The following MBP variants were observed in gnomAD, a reference collection of about 807,000 sequenced individuals.
The protein encoded by MBP is Golli-MBP.
MBP carries 16 observed loss-of-function variants against 35.8 expected under a neutral mutation model. The observed-to-expected ratio is 0.45, with a 90% CI of 0.30 to 0.68. The LOEUF is 0.68. Among genes scored for constraint, MBP ranks in the 30% least tolerant of loss-of-function variants. The pLI is 0.08. For synonymous variants in MBP, 143 were observed against 159.6 expected (o/e 0.90, Z 0.78); for missense variants, 380 against 404.7 (o/e 0.94, Z 0.52).
intron 4 of MBP, among the ~76,000 whole-genome samples, chr18:77,001,058 TA>T (rs1318813323): frequency 1.3e-5 from 2 of 152,358 alleles, no homozygotes; most frequent in South Asian, 2.1e-4. Context: ...TCAACGATCA[TA>T]AGGTCAATAC....
intron 4 of MBP, chr18:77,014,998 GC>G: frequency 5.1e-6 from 5 of 984,762 alleles, no homozygotes; most frequent in Non-Finnish European, 6.0e-6. Context: ...GCCCTGTTTT[GC>G]AAAGAGATGG....
At chr18:77,055,865 C>T (rs1973698697) in intron 3 of MBP, among the ~76,000 whole-genome samples, 1 of 152,168 alleles carries the variant, frequency 6.6e-6, no homozygotes, top group Admixed American at 6.5e-5. Context: ...CCAGACATTC[C>T]CAGAAACTCA....
At chr18:77,107,671 A>G (rs1247783439) in intron 1 of MBP, among the ~76,000 whole-genome samples, 1 of 152,166 alleles carries the variant, frequency 6.6e-6, no homozygotes, top group Non-Finnish European at 1.5e-5. Context: ...GTTTGTTCTG[A>G]TCAAATGTTG....
At chr18:76,987,019 G>A (rs1969597360) in intron 7 of MBP, 1 of 985,294 alleles carries the variant, frequency 1.0e-6, no homozygotes, top group South Asian at 4.7e-5. Flanking sequence ...TGCAGAGAAG[G>A]ATTTTGCTTT....
chr18:77,119,420 T>G lies in MBP; in HGVS notation c.-26+13160A>C, dbSNP rs114794830. On this transcript the variant is annotated intron_variant, in intron 1 of 8. Coordinates refer to ENST00000355994, the MANE Select transcript of MBP (RefSeq NM_001025101.2). ...TCCACAGCACACAGCAGGCACATGG[T>G]ACACAGTAGGCACACAGCACATGGC... 9.3e-3 allele frequency among the ~76,000 whole-genome samples: 1,410 copies of G among 152,036 alleles called. 24 individuals carry two copies. The highest frequency in any genetic ancestry group is 0.031 in the African/African-American group (1,283 of 41,478).
At chr18:76,987,139 ACCC>A (rs1036653351) in intron 7 of MBP, 1 of 985,314 alleles carries the variant, frequency 1.0e-6, no homozygotes, top group African/African-American at 1.7e-5. Flanking sequence ...CCTGTGTGCA[ACCC>A]CCCATCGCTC....
intron 8 of MBP, 98 bp downstream of exon 8, chr18:76,984,677 C>G: frequency 6.4e-7 from 1 of 1,559,154 alleles, no homozygotes; most frequent in South Asian, 1.1e-5. Context: ...TACAGTGCGG[C>G]TGAGCCAGAG....
At position 76,986,653 on chromosome 18, in the gene MBP, T is replaced by C. The variant is rs1008624349; in HGVS notation, c.751-1759A>G. On this transcript the variant is annotated intron_variant, in intron 7 of 8. Transcript: ENST00000355994. ...ACGAGGGGACAGCCAGCCTCGCTCT[T>C]GCGTCCTAGAGGTTTCCAGGTTCAT... is the stretch of plus-strand genomic sequence containing the variant. 35 of 985,432 alleles carry C rather than the reference T, an allele frequency of 3.6e-5. 1 individual carries two copies. The South Asian group carries it at 1.5e-3, about 41-fold the overall frequency. 61.0% of individuals were successfully genotyped at this position (985,432 alleles called of 1,614,324 possible). A position where few individuals can be genotyped will look rare whatever the true frequency, so the allele number is the denominator to read the frequency against.
At chr18:77,014,876 T>C in intron 4 of MBP, 1 of 984,888 alleles carries the variant, frequency 1.0e-6, no homozygotes, top group Non-Finnish European at 1.2e-6. Context: ...CAACACTCCA[T>C]AGTGAAAAGA....
intron 2 of MBP, among the ~76,000 whole-genome samples, chr18:77,076,549 C>A (rs1343325738): frequency 6.6e-6 from 1 of 152,214 alleles, no homozygotes. Flanking sequence ...ATCCTGAGAC[C>A]TAATGAAGCT....
chr18:77,068,401 C>T (rs902211315), intron 2 of MBP, among the ~76,000 whole-genome samples: 8 of 122,308 alleles, frequency 6.5e-5, no homozygotes, highest in Admixed American at 1.7e-4. Flanking sequence ...GCCCAGATGA[C>T]GAGGAAGTCC....
At chr18:76,997,742 G>A (rs1970362081) in intron 4 of MBP, among the ~76,000 whole-genome samples, 1 of 151,496 alleles carries the variant, frequency 6.6e-6, no homozygotes, top group Non-Finnish European at 1.5e-5. Flanking sequence ...GAGTGCAGTG[G>A]CGCGACCTCG....
At chr18:77,088,051 A>G (rs1461449664) in intron 2 of MBP, among the ~76,000 whole-genome samples, 1 of 152,058 alleles carries the variant, frequency 6.6e-6, no homozygotes, top group African/African-American at 2.4e-5. Context: ...CCTCCAGGCC[A>G]CACCTACGGG....
intron 2 of MBP, 35 bp from the exon 3 acceptor site, chr18:77,066,420 A>C: frequency 7.5e-7 from 1 of 1,329,164 alleles, no homozygotes; most frequent in Non-Finnish European, 1.1e-6. Flanking sequence ...CCTTTTCTTA[A>C]GATAAATTGT....
chr18:76,997,815 T>A (rs546698264), intron 4 of MBP, among the ~76,000 whole-genome samples: 2 of 151,296 alleles, frequency 1.3e-5, no homozygotes. Context: ...CCCGAGTAGC[T>A]GGGACTAGAG....
At chr18:77,068,745 A>C (rs1424685108) in intron 2 of MBP, among the ~76,000 whole-genome samples, 1 of 152,232 alleles carries the variant, frequency 6.6e-6, no homozygotes. Flanking sequence ...AAATGCAGAG[A>C]ATGTTCAAAC....
chr18:77,015,173 T>G, intron 4 of MBP: 1 of 985,204 alleles, frequency 1.0e-6, no homozygotes, highest in Non-Finnish European at 1.2e-6. Context: ...TTTCACCATT[T>G]TATTTCAACT....
intron 4 of MBP, among the ~76,000 whole-genome samples, chr18:77,009,594 T>C (rs1198263470): frequency 6.6e-6 from 1 of 152,216 alleles, no homozygotes; most frequent in African/African-American, 2.4e-5. Flanking sequence ...CTGACAGCCA[T>C]ACCCTTTGCA....
At chr18:77,083,677 A>G (rs1975071042) in intron 2 of MBP, among the ~76,000 whole-genome samples, 1 of 152,276 alleles carries the variant, frequency 6.6e-6, no homozygotes, top group African/African-American at 2.4e-5. Context: ...TAGATAAAAA[A>G]GAATAAAGCA....
Sources: allele counts gnomAD v4.1 joint callset (sites outside exome capture counted in the v4.1 genomes callset), GRCh38; gene constraint gnomAD v4.1.1; transcripts MANE v1.5; gene names NCBI Gene and HGNC (gene_info 2026-07-23, HGNC 2026-07-21).